EPHB1: variants seen among roughly 807,000 people sequenced by gnomAD.
EPHB1 encodes ephrin type-B receptor 1.
Under a neutral mutation model 94.4 loss-of-function variants are expected in EPHB1, and 30 were observed. The ratio of observed to expected loss-of-function variants is 0.32; its 90% CI spans 0.24 to 0.43. EPHB1 has a LOEUF of 0.43. EPHB1 is among the 20% of genes least tolerant of loss of function. EPHB1 has a pLI of 1.00. For synonymous variants in EPHB1, 522 were observed against 489.1 expected, an observed-to-expected ratio of 1.07 and a Z score of -0.89; for missense variants, 1,055 against 1,308.3, an observed-to-expected ratio of 0.81 and a Z score of 2.99.
In EPHB1 at chr3:135,058,758, C is replaced by G. The variant is rs565674250; in HGVS notation, c.806-47690C>G. On this transcript the variant is annotated intron_variant, in intron 3 of 15. Transcript: ENST00000398015. ...CTGCTCCACAGAGCTCTTCTGCCTCCGGCTACATGGGGATTCTGCAGAAAG... is the reference window on the plus strand; with the variant it reads ...CTGCTCCACAGAGCTCTTCTGCCTCGGGCTACATGGGGATTCTGCAGAAAG... Among the ~76,000 whole-genome samples, 3 of 152,326 alleles carry G rather than the reference C, an allele frequency of 2.0e-5. No individual in the cohort carries two copies. The East Asian group carries it at 5.8e-4, about 29-fold the overall frequency.
intron 3 of EPHB1, among the ~76,000 whole-genome samples, chr3:135,066,062 A>C (rs1285654738): frequency 6.6e-6 from 1 of 152,214 alleles, no homozygotes; most frequent in Non-Finnish European, 1.5e-5. Context: ...TCTGCTGAGA[A>C]ATCTGCTGTT....
chr3:134,851,071 T>C (rs1273747517), intron 1 of EPHB1, among the ~76,000 whole-genome samples: 2 of 152,208 alleles, frequency 1.3e-5, no homozygotes, highest in Admixed American at 1.3e-4. Flanking sequence ...TGAGTGTGTT[T>C]GAAGGGAAAG....
intron 1 of EPHB1, among the ~76,000 whole-genome samples, chr3:134,801,975 C>G (rs1018269158): frequency 6.6e-6 from 1 of 152,222 alleles, no homozygotes; most frequent in Non-Finnish European, 1.5e-5. Flanking sequence ...AAACCACTTT[C>G]TATCTGACTT....
At chr3:135,211,291 A>T (rs1340177893) in intron 12 of EPHB1, among the ~76,000 whole-genome samples, 3 of 152,212 alleles carry the variant, frequency 2.0e-5, no homozygotes, top group African/African-American at 7.2e-5. Flanking sequence ...TCCCAAAGAC[A>T]ATGTTACAAT....
intron 3 of EPHB1, among the ~76,000 whole-genome samples, chr3:134,996,768 A>G (rs1935008855): frequency 6.6e-6 from 1 of 152,102 alleles, no homozygotes; most frequent in Non-Finnish European, 1.5e-5. Context: ...CAGTTGGACT[A>G]AAAAACTTAT....
intron 3 of EPHB1, among the ~76,000 whole-genome samples, chr3:134,975,745 C>T (rs1204113001): frequency 1.3e-5 from 2 of 149,020 alleles, no homozygotes; most frequent in South Asian, 2.1e-4. Context: ...TTAAACTATT[C>T]GTAAGGATAG....
chr3:135,187,839 C>G (rs968290484), intron 10 of EPHB1, among the ~76,000 whole-genome samples: 2 of 152,244 alleles, frequency 1.3e-5, no homozygotes, highest in Admixed American at 6.5e-5. Flanking sequence ...CTTTTCCTCT[C>G]TTTTCTCTTC....
chr3:134,937,030 G>A (rs1327877834), intron 2 of EPHB1, among the ~76,000 whole-genome samples: 2 of 152,158 alleles, frequency 1.3e-5, no homozygotes, highest in African/African-American at 2.4e-5. Flanking sequence ...GTGCATTGCT[G>A]GCCTGAGCAT....
At chr3:135,140,064 G>A (rs2107689834) in intron 5 of EPHB1, among the ~76,000 whole-genome samples, 1 of 152,262 alleles carries the variant, frequency 6.6e-6, no homozygotes, top group African/African-American at 2.4e-5. Flanking sequence ...GGCACTCCAA[G>A]TACATAGCTT....
At chr3:135,072,908 G>A (rs1937773612) in intron 3 of EPHB1, among the ~76,000 whole-genome samples, 1 of 152,042 alleles carries the variant, frequency 6.6e-6, no homozygotes, top group Non-Finnish European at 1.5e-5. Flanking sequence ...ATTTGAGTTG[G>A]CCCCTACATT....
At chr3:134,822,384 G>C (rs2036398957) in intron 1 of EPHB1, among the ~76,000 whole-genome samples, 1 of 152,188 alleles carries the variant, frequency 6.6e-6, no homozygotes, top group African/African-American at 2.4e-5. Context: ...CCTTCACTCA[G>C]ATTTGGCCAT....
intron 13 of EPHB1, among the ~76,000 whole-genome samples, chr3:135,242,637 A>G (rs1943814110): frequency 1.3e-5 from 2 of 152,156 alleles, no homozygotes; most frequent in South Asian, 4.1e-4. Context: ...GTCCTCTATT[A>G]TCTGGGATTA....
Position 134,833,323 on chromosome 3 carries a change from T to A in EPHB1, c.58+37634T>A, listed in dbSNP as rs907017704. Among the ~76,000 whole-genome samples the A allele has an allele frequency of 2.0e-5, 3 of 152,206 alleles. No homozygotes were observed. In the East Asian group the frequency reaches 5.8e-4, roughly 29 times the overall value. On this transcript the variant is annotated intron_variant, in intron 1 of 15. Coordinates refer to ENST00000398015, the MANE Select transcript of EPHB1 (RefSeq NM_004441.5). ...CTTTGATGGGAAAGACTGCCCAGGA[T>A]AGAGTGTGCTGGATGAACTCATGTT... is the stretch of plus-strand genomic sequence containing the variant.
At chr3:134,865,918 G>T (rs2037366875) in intron 1 of EPHB1, among the ~76,000 whole-genome samples, 1 of 152,228 alleles carries the variant, frequency 6.6e-6, no homozygotes, top group Non-Finnish European at 1.5e-5. Context: ...TTATAGGAAG[G>T]GGAAGTTAAG....
At chr3:134,969,111 A>G (rs1246321607) in intron 3 of EPHB1, among the ~76,000 whole-genome samples, 1 of 152,156 alleles carries the variant, frequency 6.6e-6, no homozygotes, top group Non-Finnish European at 1.5e-5. Context: ...TGCCTGTACC[A>G]TTTTCCATTA....
chr3:135,106,469 AG>A lies in EPHB1; in HGVS notation c.829del (p.Ala277ProfsTer78). On this transcript the variant is annotated frameshift_variant, in exon 4 of 16. Coordinates refer to ENST00000398015, the MANE Select transcript of EPHB1 (RefSeq NM_004441.5). LOFTEE classifies it high-confidence loss of function. ...CTAGCTTGCCCTGCAGGGACATTCA[AG>A]GCCAGCCAGGAAGCTGAAGGCTGCT... ...ACKACPAGTF[K>X]ASQEAEGCSH... The A allele has an allele frequency of 6.2e-7, 1 of 1,614,000 alleles. No homozygotes were observed. The highest frequency in any genetic ancestry group is 8.5e-7 in the Non-Finnish European group (1 of 1,179,890).
intron 12 of EPHB1, among the ~76,000 whole-genome samples, chr3:135,226,397 TAAGAAATTCACGAAC>T (rs2107722235): frequency 6.6e-6 from 1 of 152,318 alleles, no homozygotes; most frequent in Admixed American, 6.5e-5. Context: ...TGGAATGAAT[TAAGAAATTCACGAAC>T]GAGTGACAGA....
At chr3:135,231,848 C>T (rs1943537989) in intron 12 of EPHB1, among the ~76,000 whole-genome samples, 1 of 152,194 alleles carries the variant, frequency 6.6e-6, no homozygotes, top group South Asian at 2.1e-4. Flanking sequence ...GTTCCTGCAG[C>T]CTGCTTCCCA....
chr3:135,101,489 T>G (rs574150258), intron 3 of EPHB1, among the ~76,000 whole-genome samples: 3 of 152,202 alleles, frequency 2.0e-5, no homozygotes, highest in East Asian at 3.9e-4. Flanking sequence ...TTCTCCTGCC[T>G]CAGCATCCTG....
Sources: gnomAD v4.1 joint callset for allele counts (sites outside exome capture counted in the v4.1 genomes callset) on GRCh38, gnomAD v4.1.1 for gene constraint, MANE v1.5 for transcripts, NCBI Gene and HGNC (gene_info 2026-07-23, HGNC 2026-07-21) for gene names.